Variants in HNRNPM observed in about 807,000 individuals in gnomAD.
HNRNPM encodes heterogeneous nuclear ribonucleoprotein M.
In HNRNPM, 11 loss-of-function variants were observed where a neutral mutation model predicts 73.1. The ratio of observed to expected loss-of-function variants is 0.15; its 90% confidence interval spans 0.09 to 0.25. HNRNPM has a LOEUF of 0.25. Among genes scored for constraint, HNRNPM ranks in the 10% least tolerant of loss-of-function variants. The pLI is 1.00. For missense variants in HNRNPM, 789 were observed against 1,067.9 expected, an observed-to-expected ratio of 0.74 and a Z score of 3.64; for synonymous variants, 407 against 355.2, an observed-to-expected ratio of 1.15 and a Z score of -1.64.
At chr19:8,463,416 A>G in intron 3 of HNRNPM, 81 bp from the exon 4 acceptor site, 2 of 1,391,240 alleles carry the variant, frequency 1.4e-6, no homozygotes, top group Non-Finnish European at 2.0e-6. Flanking sequence ...TTTGTTTATA[A>G]CTGTCATTGA....
At chr19:8,456,291 A>G (rs1157190083) in intron 2 of HNRNPM, among the ~76,000 whole-genome samples, 3 of 151,848 alleles carry the variant, frequency 2.0e-5, no homozygotes, top group African/African-American at 7.3e-5. Flanking sequence ...TGTGATCCTC[A>G]CCCCCGTGCA....
At position 8,455,619 on chromosome 19, in the gene HNRNPM, A is replaced by AT. The variant is rs756265828; in HGVS notation, c.283+46dup. On this transcript the variant is annotated intron_variant, in intron 2 of 15. Transcript: ENST00000325495. Reference sequence around the variant, plus strand: ...AGTAGGGTGAGAAGGTTGGTGTGTCATCTTTTCTGTGGCTAATTCCTTGGT... The same window carrying AT: ...AGTAGGGTGAGAAGGTTGGTGTGTCATTCTTTTCTGTGGCTAATTCCTTGGT... 4.6e-6 allele frequency: 7 copies of AT among 1,515,112 alleles called. No individual in the cohort carries two copies. The East Asian group carries it at 1.6e-4, about 34-fold the overall frequency. The allele number at this position is 1,515,112 out of a possible 1,614,324, so 93.9% of individuals were successfully genotyped here. A position where few individuals can be genotyped will look rare whatever the true frequency, so the allele number is the denominator to read the frequency against.
At chr19:8,473,806 C>T (rs1970323789) in intron 11 of HNRNPM, 98 bp downstream of exon 11, 6 of 820,696 alleles carry the variant, frequency 7.3e-6, no homozygotes, top group Middle Eastern at 2.3e-4. Flanking sequence ...ATGAAATTCT[C>T]TTTGGTTTCA....
At chr19:8,448,784 C>T (rs187583741) in intron 1 of HNRNPM, among the ~76,000 whole-genome samples, 178 of 152,132 alleles carry the variant, frequency 1.2e-3, no homozygotes, top group African/African-American at 3.8e-3. Flanking sequence ...CACCTGGCCC[C>T]TTCCTGAGTA....
intron 10 of HNRNPM, among the ~76,000 whole-genome samples, chr19:8,472,408 A>G (rs1210723131): frequency 6.6e-6 from 1 of 152,112 alleles, no homozygotes; most frequent in African/African-American, 2.4e-5. Context: ...TTCCAGAGTC[A>G]CCCTGGGGCT....
At chr19:8,446,588 A>G (rs1968203142) in intron 1 of HNRNPM, among the ~76,000 whole-genome samples, 1 of 152,044 alleles carries the variant, frequency 6.6e-6, no homozygotes. Flanking sequence ...TTTTTTGAAG[A>G]GAGGAGGTCT....
At chr19:8,445,853 G>A (rs966299245) in intron 1 of HNRNPM, among the ~76,000 whole-genome samples, 1 of 152,280 alleles carries the variant, frequency 6.6e-6, no homozygotes, top group Admixed American at 6.5e-5. Context: ...ACGAAGTCGG[G>A]GGAGGAATCC....
intron 1 of HNRNPM, 32 bp downstream of exon 1, chr19:8,445,143 A>G: frequency 7.4e-7 from 1 of 1,359,234 alleles, no homozygotes; most frequent in Non-Finnish European, 9.5e-7. Flanking sequence ...GCCACGGGTA[A>G]GGGTTCCTCT....
At chr19:8,471,900 C>T (rs1030332203) in intron 10 of HNRNPM, among the ~76,000 whole-genome samples, 3 of 152,290 alleles carry the variant, frequency 2.0e-5, no homozygotes, top group African/African-American at 4.8e-5. Flanking sequence ...AGGCCAGGCA[C>T]GGTGGCTCAC....
chr19:8,468,433 T>G (rs1240578473), intron 8 of HNRNPM, among the ~76,000 whole-genome samples: 1 of 152,202 alleles, frequency 6.6e-6, no homozygotes, highest in Non-Finnish European at 1.5e-5. Context: ...AAGCAATTTT[T>G]TCATTACTCT....
rs750850496 is a variant in HNRNPM, at chr19:8,465,394, G to A, written c.509G>A (p.Gly170Glu). The A allele has an allele frequency of 1.9e-6, 3 of 1,613,944 alleles. No individual in the cohort carries two copies. The highest frequency in any genetic ancestry group is 2.5e-6 in the Non-Finnish European group (3 of 1,179,882). Residue 170 changes from glycine (G) to glutamate (E), a missense_variant, in exon 6 of 16, where the codon GGA becomes GAA. Gly to Glu is a moderately conservative substitution (Grantham distance 98, BLOSUM62 -2). Transcript: ENST00000325495. ...GCTACGACTGGTGGGATGGGTATGG[G>A]ACCAGGTGGCCCAGGAATGATTACT... ...VMATTGGMGM[G>E]PGGPGMITIP...
intron 1 of HNRNPM, among the ~76,000 whole-genome samples, chr19:8,454,675 C>T (rs1248997200): frequency 2.8e-5 from 3 of 107,428 alleles, no homozygotes; most frequent in Non-Finnish European, 3.8e-5. Context: ...CATTTTATGC[C>T]CCCCCCCCCT....
At chr19:8,464,872 G>A (rs1442482703) in intron 5 of HNRNPM, among the ~76,000 whole-genome samples, 1 of 152,108 alleles carries the variant, frequency 6.6e-6, no homozygotes, top group Non-Finnish European at 1.5e-5. Context: ...ACACCTGAAG[G>A]ACTTGAAGGA....
intron 1 of HNRNPM, among the ~76,000 whole-genome samples, chr19:8,449,093 G>A (rs1419120916): frequency 6.6e-6 from 1 of 152,212 alleles, no homozygotes; most frequent in East Asian, 1.9e-4. Flanking sequence ...TTGAGTGTTT[G>A]CTGTACTTTA....
At chr19:8,478,631 G>GT (rs1477838467) in intron 12 of HNRNPM, among the ~76,000 whole-genome samples, 2 of 152,128 alleles carry the variant, frequency 1.3e-5, no homozygotes, top group African/African-American at 4.8e-5. Context: ...TTAGACCTAG[G>GT]TAAAAAATTT....
At chr19:8,454,017 C>G (rs1322799153) in intron 1 of HNRNPM, among the ~76,000 whole-genome samples, 1 of 152,202 alleles carries the variant, frequency 6.6e-6, no homozygotes, top group East Asian at 1.9e-4. Context: ...TGCTCAGACC[C>G]AAGTTTCCCA....
intron 1 of HNRNPM, chr19:8,445,385 C>T (rs1968071990): frequency 1.2e-5 from 4 of 336,556 alleles, no homozygotes; most frequent in African/African-American, 4.2e-5. Flanking sequence ...GGCCCAGCTG[C>T]TGCGCATGGG....
In HNRNPM at chr19:8,449,575, GC is replaced by G. The variant is rs1433472364; in HGVS notation, c.113+4467del. Among the ~76,000 whole-genome samples, 2 of 27,690 alleles carry G rather than the reference GC, an allele frequency of 7.2e-5. 1 individual carries two copies. The highest frequency in any genetic ancestry group is 9.0e-5 in the African/African-American group (2 of 22,314). 18.2% of individuals were successfully genotyped at this position (27,690 alleles called of 152,430 possible). A position where few individuals can be genotyped will look rare whatever the true frequency, so the allele number is the denominator to read the frequency against. On this transcript the variant is annotated intron_variant, in intron 1 of 15. Transcript: ENST00000325495. ...TTTTGAGACGGAGTCTCGCTCTGTC[GC>G]CCAGGCTGGAGTGCAGTGGCGGGAT...
chr19:8,450,143 A>C (rs1300967212), intron 1 of HNRNPM, among the ~76,000 whole-genome samples: 1 of 152,204 alleles, frequency 6.6e-6, no homozygotes, highest in Non-Finnish European at 1.5e-5. Context: ...CATGCATTAG[A>C]GCAGCGCAGG....
Sources: gnomAD v4.1 joint callset for allele counts (sites outside exome capture counted in the v4.1 genomes callset) on GRCh38, gnomAD v4.1.1 for gene constraint, MANE v1.5 for transcripts, NCBI Gene and HGNC (gene_info 2026-07-23, HGNC 2026-07-21) for gene names.